The following EFHC2 variants were observed in gnomAD, a reference collection of about 807,000 sequenced individuals.
The protein encoded by EFHC2 is EF-hand domain-containing family member C2.
EFHC2 carries 18 observed loss-of-function variants against 52.7 expected under a neutral mutation model. The ratio of observed to expected loss-of-function variants is 0.34; its 90% CI spans 0.24 to 0.51. EFHC2 has a LOEUF of 0.51. Ranked by LOEUF, EFHC2 falls within the 20% of genes least tolerant of loss-of-function variation. EFHC2 has a pLI of 0.97. For synonymous variants in EFHC2, 203 were observed against 204.1 expected, an observed-to-expected ratio of 0.99 and a Z score of 0.04; for missense variants, 513 against 562.5, an observed-to-expected ratio of 0.91 and a Z score of 0.89.
At chrX:44,342,999 C>G (rs942056988) in intron 1 of EFHC2, among the ~76,000 whole-genome samples, 7 of 109,988 alleles carry the variant, frequency 6.4e-5, no homozygotes, top group African/African-American at 2.3e-4. Context: ...GAACTCTTAT[C>G]TGCCACCTAC....
intron 14 of EFHC2, among the ~76,000 whole-genome samples, chrX:44,154,646 G>A (rs2036594058): frequency 9.1e-6 from 1 of 110,399 alleles, no homozygotes; most frequent in African/African-American, 3.3e-5. Context: ...CAAGGCTGCA[G>A]TGAGCCATGA....
intron 11 of EFHC2, among the ~76,000 whole-genome samples, chrX:44,201,060 A>G (rs1035461319): frequency 2.7e-5 from 3 of 112,327 alleles, no homozygotes; most frequent in African/African-American, 9.7e-5. Context: ...CAAAGAATTA[A>G]GAAGATGCAG....
intron 5 of EFHC2, 103 bp from the exon 6 acceptor site, chrX:44,249,019 T>C: frequency 4.7e-6 from 2 of 429,908 alleles, no homozygotes; most frequent in South Asian, 6.4e-5. Flanking sequence ...GAATATTTGT[T>C]GAATGAATGA....
chrX:44,229,119 C>G (rs1030691144), intron 11 of EFHC2, among the ~76,000 whole-genome samples: 17 of 112,314 alleles, frequency 1.5e-4, no homozygotes, highest in African/African-American at 5.5e-4. Flanking sequence ...TTTCCAACTA[C>G]TGTCATATAT....
intron 2 of EFHC2, among the ~76,000 whole-genome samples, chrX:44,307,585 TC>T (rs2037914931): frequency 8.9e-6 from 1 of 111,982 alleles, no homozygotes; most frequent in South Asian, 3.7e-4. Context: ...TCTCTCATCA[TC>T]TTTCATGCAA....
chrX:44,322,275 A>G (rs748144058), intron 1 of EFHC2, among the ~76,000 whole-genome samples: 1 of 111,970 alleles, frequency 8.9e-6, no homozygotes, highest in East Asian at 2.8e-4. Flanking sequence ...CTGTTTATAT[A>G]CTTGCATCTT....
chrX:44,279,107 C>T (rs1351300604), intron 2 of EFHC2, among the ~76,000 whole-genome samples: 2 of 112,002 alleles, frequency 1.8e-5, no homozygotes, highest in Non-Finnish European at 1.9e-5. Context: ...TTTGGAAGGC[C>T]AAGGCGGGCA....
chrX:44,331,594 A>G (rs1199609378), intron 1 of EFHC2, among the ~76,000 whole-genome samples: 2 of 112,012 alleles, frequency 1.8e-5, no homozygotes, highest in African/African-American at 6.5e-5. Context: ...TATCAATGTC[A>G]AGATACTGAT....
At chrX:44,245,975 G>GA (rs1299829459) in intron 7 of EFHC2, among the ~76,000 whole-genome samples, 2 of 111,432 alleles carry the variant, frequency 1.8e-5, no homozygotes, top group African/African-American at 6.5e-5. Context: ...CCTGCGTGCT[G>GA]CACAGTGGAG....
intron 11 of EFHC2, among the ~76,000 whole-genome samples, chrX:44,211,785 C>T (rs993707408): frequency 1.0e-5 from 1 of 98,464 alleles, no homozygotes; most frequent in African/African-American, 3.8e-5. Flanking sequence ...GGTACGAGAA[C>T]GGCGTGAAGC....
intron 2 of EFHC2, among the ~76,000 whole-genome samples, chrX:44,299,910 C>A (rs1482371557): frequency 1.8e-5 from 2 of 111,361 alleles, no homozygotes; most frequent in East Asian, 5.6e-4. Context: ...ACTCTCTGTA[C>A]TATTTTTGTG....
chrX:44,227,280 G>A (rs2037240684), intron 11 of EFHC2, among the ~76,000 whole-genome samples: 1 of 111,664 alleles, frequency 9.0e-6, no homozygotes, highest in Non-Finnish European at 1.9e-5. Flanking sequence ...AGGGTATGAT[G>A]TGATAGACAC....
chrX:44,167,788 A>C (rs1377351404), intron 13 of EFHC2, among the ~76,000 whole-genome samples: 1 of 111,755 alleles, frequency 8.9e-6, no homozygotes, highest in Non-Finnish European at 1.9e-5. Context: ...GAAAAGAACA[A>C]AGGATATTTC....
intron 11 of EFHC2, among the ~76,000 whole-genome samples, chrX:44,180,149 C>G (rs934324568): frequency 8.0e-5 from 9 of 112,327 alleles, no homozygotes; most frequent in Non-Finnish European, 1.7e-4. Flanking sequence ...GCGGAGAGAA[C>G]TGATGGAGTG....
In EFHC2 at chrX:44,210,576, T is replaced by C. The variant is rs140956254; in HGVS notation, c.1751+19073A>G. On this transcript the variant is annotated intron_variant, in intron 11 of 14. Coordinates refer to ENST00000420999, the MANE Select transcript of EFHC2 (RefSeq NM_025184.4). The stretch of plus-strand genomic sequence containing the variant: ...ACAAGGCAATTCAGTGGAGAAAGGA[T>C]AGTCTTTTCAACAAATGATGCTAAA... Among the ~76,000 whole-genome samples the C allele has an allele frequency of 3.5e-3, 395 of 112,562 alleles. 3 individuals carry two copies. Among genetic ancestry groups the C allele is most frequent in the African/African-American group, 0.012 (371 of 31,042 alleles).
chrX:44,158,294 T>G (rs1366757682), intron 14 of EFHC2, among the ~76,000 whole-genome samples: 1 of 111,683 alleles, frequency 9.0e-6, no homozygotes, highest in Admixed American at 9.5e-5. Context: ...AGAAATGAGA[T>G]CCTGCTGATG....
rs1382545944 is a variant in EFHC2, at chrX:44,277,060, C to T, written c.232-4224G>A. Among the ~76,000 whole-genome samples the T allele has an allele frequency of 2.7e-5, 3 of 110,326 alleles. No individual in the cohort carries two copies. In the South Asian group the frequency reaches 1.2e-3, roughly 43 times the overall value. ...GGATCACGAGGTCAGGAGATCGAGA[C>T]CATCCTGGCTAACACGGTGAAACGC... On this transcript the variant is annotated intron_variant, in intron 2 of 14. Transcript: ENST00000420999.
intron 1 of EFHC2, among the ~76,000 whole-genome samples, chrX:44,319,257 C>A (rs1343997451): frequency 9.0e-6 from 1 of 110,907 alleles, no homozygotes. Flanking sequence ...CCTGCCTCAG[C>A]CTCCCAAAGT....
At chrX:44,157,298 A>T (rs2036614723) in intron 14 of EFHC2, among the ~76,000 whole-genome samples, 1 of 111,625 alleles carries the variant, frequency 9.0e-6, no homozygotes, top group Admixed American at 9.5e-5. Context: ...GTTAGTGTAG[A>T]CCTAGCTTTT....
Sources: allele counts gnomAD v4.1 joint callset (sites outside exome capture counted in the v4.1 genomes callset), GRCh38; gene constraint gnomAD v4.1.1; transcripts MANE v1.5; gene names NCBI Gene and HGNC (gene_info 2026-07-23, HGNC 2026-07-21).